The following RBFOX1 variants were observed in gnomAD, a reference collection of about 807,000 sequenced individuals.
RBFOX1 encodes RNA binding protein fox-1 homolog 1.
In RBFOX1, 8 loss-of-function variants were observed where a neutral mutation model predicts 57.7. The ratio of observed to expected loss-of-function variants is 0.14; its 90% confidence interval spans 0.08 to 0.25. The LOEUF is 0.25. Among genes scored for constraint, RBFOX1 ranks in the 10% least tolerant of loss-of-function variants. The pLI is 1.00. For synonymous variants in RBFOX1, 326 were observed against 222.4 expected, an observed-to-expected ratio of 1.47 and a Z score of -4.15; for missense variants, 611 against 548.5, an observed-to-expected ratio of 1.11 and a Z score of -1.14.
chr16:7,167,634 A>G (rs1489144191), intron 4 of RBFOX1, among the ~76,000 whole-genome samples: 1 of 152,198 alleles, frequency 6.6e-6, no homozygotes, highest in African/African-American at 2.4e-5. Context: ...ACAGTTTTTG[A>G]TAAGTTGTTA....
intron 1 of RBFOX1, among the ~76,000 whole-genome samples, chr16:5,318,341 C>T (rs974721109): frequency 1.3e-5 from 2 of 152,054 alleles, no homozygotes; most frequent in Admixed American, 6.6e-5. Context: ...ATCGGCCAGG[C>T]TGGTCTCAAA....
intron 3 of RBFOX1, among the ~76,000 whole-genome samples, chr16:6,894,130 C>T (rs750860259): frequency 1.3e-5 from 2 of 152,158 alleles, no homozygotes; most frequent in Non-Finnish European, 2.9e-5. Context: ...AGATTATGGA[C>T]AGAGATAGAA....
intron 2 of RBFOX1, among the ~76,000 whole-genome samples, chr16:6,506,679 G>A (rs112086023): frequency 0.34 from 40,119 of 117,352 alleles, 7,238 homozygotes; most frequent in Middle Eastern, 0.42. Context: ...ATGGAGTCTC[G>A]CTTTGTCTCC....
chr16:5,693,296 C>G lies in RBFOX1; in HGVS notation c.318+94335C>G, dbSNP rs17510536. Among the ~76,000 whole-genome samples, 4 of 151,248 alleles carry G rather than the reference C, an allele frequency of 2.6e-5. No individual in the cohort carries two copies. In the East Asian group the frequency reaches 7.8e-4, roughly 29 times the overall value. ...CTTGGAAACCATCCAAACTGTAGAC[C>G]TTTGCATTAAAATAAAATGATTTTT... On this transcript the variant is annotated intron_variant, in intron 3 of 19. Transcript: ENST00000641259.
chr16:5,866,673 C>G (rs948903796), intron 3 of RBFOX1, among the ~76,000 whole-genome samples: 3 of 152,156 alleles, frequency 2.0e-5, no homozygotes, highest in Non-Finnish European at 4.4e-5. Context: ...AATCTAATTT[C>G]TTATGCTTAA....
intron 4 of RBFOX1, among the ~76,000 whole-genome samples, chr16:5,908,755 A>G (rs891387817): frequency 1.3e-5 from 2 of 152,144 alleles, no homozygotes; most frequent in African/African-American, 4.8e-5. Flanking sequence ...TTTGTGTCCC[A>G]CCATCCTAAT....
intron 3 of RBFOX1, among the ~76,000 whole-genome samples, chr16:6,905,190 C>G (rs1259308584): frequency 2.6e-5 from 4 of 151,538 alleles, no homozygotes; most frequent in Non-Finnish European, 5.9e-5. Flanking sequence ...CATTTTTTTT[C>G]TCAATAACAC....
intron 4 of RBFOX1, among the ~76,000 whole-genome samples, chr16:5,963,016 A>T (rs1257562436): frequency 6.6e-6 from 1 of 152,100 alleles, no homozygotes; most frequent in African/African-American, 2.4e-5. Context: ...AATAAGATAG[A>T]ATGGCATTTT....
intron 4 of RBFOX1, among the ~76,000 whole-genome samples, chr16:7,203,735 A>G (rs1010264588): frequency 1.3e-5 from 2 of 152,064 alleles, no homozygotes; most frequent in African/African-American, 4.8e-5. Flanking sequence ...CCCTTTGCAA[A>G]TATCTGCTTG....
Position 7,518,399 on chromosome 16 carries a change from C to G in RBFOX1, c.270+10C>G, listed in dbSNP as rs113881725. On this transcript the variant is annotated intron_variant, in intron 5 of 15. Transcript: ENST00000550418. ...CTCTGGCACCGCCACAGTAAGTGGA[C>G]GTGTTTGCTACGGGTGGGAGGTTAT... 4.1e-4 allele frequency: 652 copies of G among 1,602,894 alleles called. No individual in the cohort carries two copies. The highest frequency in any genetic ancestry group is 4.3e-4 in the Non-Finnish European group (504 of 1,172,550).
chr16:6,902,739 G>A (rs2153414159), intron 3 of RBFOX1, among the ~76,000 whole-genome samples: 1 of 152,234 alleles, frequency 6.6e-6, no homozygotes, highest in Non-Finnish European at 1.5e-5. Flanking sequence ...GGAAGAAGTG[G>A]TTTCCATACA....
rs1160892713 is a variant in RBFOX1 at position 6,110,472 on chromosome 16, G to C, written c.-127+90480G>C. The stretch of plus-strand genomic sequence containing the variant: ...CACAAACACAATTGATACCTAAGTA[G>C]TGTGCATTTTTAAGCAGTCATTTGT... On this transcript the variant is annotated intron_variant, in intron 1 of 15. Transcript: ENST00000550418. Among the ~76,000 whole-genome samples the C allele has an allele frequency of 2.0e-5, 3 of 152,164 alleles. No individual in the cohort carries two copies. In the East Asian group the frequency reaches 5.8e-4, roughly 29 times the overall value.
chr16:6,502,462 C>T (rs369157217), intron 2 of RBFOX1, among the ~76,000 whole-genome samples: 5 of 152,144 alleles, frequency 3.3e-5, no homozygotes, highest in East Asian at 1.9e-4. Context: ...TCAGTTTGCT[C>T]ATCTGTAAAA....
At chr16:6,558,954 C>T (rs1002097361) in intron 2 of RBFOX1, among the ~76,000 whole-genome samples, 4 of 152,090 alleles carry the variant, frequency 2.6e-5, no homozygotes, top group Non-Finnish European at 4.4e-5. Context: ...GCTTTTACTT[C>T]TCCTTTCACT....
At chr16:5,658,802 T>C (rs946104533) in intron 3 of RBFOX1, among the ~76,000 whole-genome samples, 1 of 146,304 alleles carries the variant, frequency 6.8e-6, no homozygotes, top group African/African-American at 2.6e-5. Context: ...AATATATGTG[T>C]ATATATGTAT....
chr16:7,509,001 G>C (rs1314211016), intron 4 of RBFOX1, among the ~76,000 whole-genome samples: 1 of 152,204 alleles, frequency 6.6e-6, no homozygotes, highest in African/African-American at 2.4e-5. Context: ...TTTCACTCTG[G>C]TTGTTGTAGT....
At chr16:5,996,367 G>C (rs1325110566) in intron 4 of RBFOX1, among the ~76,000 whole-genome samples, 1 of 152,058 alleles carries the variant, frequency 6.6e-6, no homozygotes, top group Non-Finnish European at 1.5e-5. Context: ...ACAATGATTT[G>C]GGACAAGCAT....
At chr16:5,712,706 A>G (rs531643154) in intron 3 of RBFOX1, among the ~76,000 whole-genome samples, 2 of 152,358 alleles carry the variant, frequency 1.3e-5, no homozygotes, top group South Asian at 2.1e-4. Context: ...AGATTTTAAC[A>G]GAGTCCAGAT....
chr16:7,115,272 A>T (rs1285412549), intron 4 of RBFOX1, among the ~76,000 whole-genome samples: 2 of 152,152 alleles, frequency 1.3e-5, no homozygotes, highest in African/African-American at 2.4e-5. Context: ...CCGGTCACTC[A>T]TGGAAAAATG....
Sources: allele counts gnomAD v4.1 joint callset (sites outside exome capture counted in the v4.1 genomes callset), GRCh38; gene constraint gnomAD v4.1.1; transcripts MANE v1.5; gene names NCBI Gene and HGNC (gene_info 2026-07-23, HGNC 2026-07-21).